The following TENM1 variants were observed in gnomAD, a reference collection of about 807,000 sequenced individuals.
TENM1 encodes teneurin-1.
TENM1 carries 35 observed loss-of-function variants against 174.8 expected under a neutral mutation model. The ratio of observed to expected loss-of-function variants is 0.20; its 90% CI spans 0.15 to 0.27. TENM1 has a LOEUF of 0.27. TENM1 is among the 10% of genes least tolerant of loss of function. The probability of loss-of-function intolerance (pLI) is 1.00; values close to 1 mark genes in which losing one functional copy is unlikely to be tolerated. For missense variants in TENM1, 1,633 were observed against 2,130.1 expected, an observed-to-expected ratio of 0.77 and a Z score of 4.59; for synonymous variants, 781 against 798.7, an observed-to-expected ratio of 0.98 and a Z score of 0.37.
the TENM1 span, among the ~76,000 whole-genome samples, chrX:125,159,810 G>C: frequency 1.8e-5 from 2 of 111,846 alleles, no homozygotes; most frequent in Admixed American, 9.5e-5. Context: ...GGCTACATAG[G>C]AGATTAAAGA....
chrX:124,844,945 C>T (rs1403248284), intron 3 of TENM1, among the ~76,000 whole-genome samples: 1 of 111,237 alleles, frequency 9.0e-6, no homozygotes, highest in East Asian at 2.8e-4. Flanking sequence ...ATAGACCTAT[C>T]ACAGGCCATG....
At chrX:125,158,879 A>G in the TENM1 span, among the ~76,000 whole-genome samples, 2 of 111,557 alleles carry the variant, frequency 1.8e-5, no homozygotes, top group African/African-American at 6.5e-5. Flanking sequence ...ATCCAACATA[A>G]TATTGACAAT....
chrX:125,002,457 C>T, the TENM1 span, among the ~76,000 whole-genome samples: 1 of 111,013 alleles, frequency 9.0e-6, no homozygotes, highest in Non-Finnish European at 1.9e-5. Context: ...TCAATCAGAC[C>T]TGTCCTCTAA....
At chrX:124,770,846 C>A (rs141344959) in intron 3 of TENM1, among the ~76,000 whole-genome samples, 4,596 of 110,812 alleles carry the variant, frequency 0.041, 86 homozygotes, top group Non-Finnish European at 0.065. Flanking sequence ...AATGTGTTGG[C>A]AAATTATTGA....
At chrX:125,172,122 C>A in the TENM1 span, among the ~76,000 whole-genome samples, 1 of 111,495 alleles carries the variant, frequency 9.0e-6, no homozygotes, top group Admixed American at 9.6e-5. Context: ...ATACTGCAAT[C>A]TGACTATAAA....
At chrX:124,894,237 G>T (rs1381346042) in intron 3 of TENM1, 59 bp downstream of exon 6, 1 of 945,092 alleles carries the variant, frequency 1.1e-6, no homozygotes. Flanking sequence ...GTGGGGGTAG[G>T]GTGCCAGGGA....
At chrX:125,017,200 C>G in the TENM1 span, among the ~76,000 whole-genome samples, 415 of 111,999 alleles carry the variant, frequency 3.7e-3, 9 homozygotes, top group East Asian at 0.042. Context: ...CAACAAAAGT[C>G]AAAACTGACA....
chrX:125,057,861 G>A, the TENM1 span, among the ~76,000 whole-genome samples: 1 of 111,868 alleles, frequency 8.9e-6, no homozygotes, highest in Non-Finnish European at 1.9e-5. Flanking sequence ...ACAGGATATT[G>A]CACAGTGGAA....
chrX:124,911,370 G>A (rs956762653), intron 1 of TENM1, among the ~76,000 whole-genome samples: 4 of 111,296 alleles, frequency 3.6e-5, no homozygotes, highest in African/African-American at 1.3e-4. Context: ...CTCTTCCCTC[G>A]AAGGGCTGAC....
chrX:124,627,109 T>A (rs962088419), intron 11 of TENM1, among the ~76,000 whole-genome samples: 1 of 111,643 alleles, frequency 9.0e-6, no homozygotes, highest in East Asian at 2.8e-4. Flanking sequence ...GTAAGGAGGC[T>A]GAGAGGTGGT....
intron 1 of TENM1, among the ~76,000 whole-genome samples, chrX:124,927,459 A>G (rs1217073225): frequency 1.8e-5 from 2 of 111,936 alleles, no homozygotes; most frequent in Non-Finnish European, 3.8e-5. Flanking sequence ...ACTGAGTGAT[A>G]GAAAAATAAA....
At chrX:125,069,787 A>C in the TENM1 span, among the ~76,000 whole-genome samples, 1 of 111,805 alleles carries the variant, frequency 8.9e-6, no homozygotes, top group African/African-American at 3.3e-5. Flanking sequence ...AAAAATTATA[A>C]AAATAATGAT....
chrX:125,051,133 A>T, the TENM1 span, among the ~76,000 whole-genome samples: 2 of 111,568 alleles, frequency 1.8e-5, no homozygotes, highest in Admixed American at 1.9e-4. Context: ...AATCCAACTT[A>T]CAAAAGGGAT....
chrX:125,063,257 G>A, the TENM1 span, among the ~76,000 whole-genome samples: 1 of 111,834 alleles, frequency 8.9e-6, no homozygotes, highest in African/African-American at 3.3e-5. Context: ...AGCATATTAT[G>A]AAGAAACTAC....
At chrX:124,640,244 C>G (rs1330101389) in intron 11 of TENM1, among the ~76,000 whole-genome samples, 1 of 111,628 alleles carries the variant, frequency 9.0e-6, no homozygotes, top group Non-Finnish European at 1.9e-5. Context: ...ATGTATTCCT[C>G]TTTCCTGTAT....
intron 3 of TENM1, among the ~76,000 whole-genome samples, chrX:124,796,763 C>T (rs2055313486): frequency 9.0e-6 from 1 of 111,279 alleles, no homozygotes; most frequent in South Asian, 3.7e-4. Context: ...TTACTTAAGC[C>T]TCAACTATAA....
intron 3 of TENM1, among the ~76,000 whole-genome samples, chrX:124,750,016 T>C (rs576484112): frequency 1.8e-5 from 2 of 112,092 alleles, no homozygotes; most frequent in South Asian, 7.4e-4. Context: ...TGAATTTAGA[T>C]TATGAAACCA....
At chrX:124,594,468 A>G (rs2049841207) in intron 11 of TENM1, among the ~76,000 whole-genome samples, 3 of 111,688 alleles carry the variant, frequency 2.7e-5, no homozygotes. Context: ...TCTGAAGGCT[A>G]AAGTCCAAGA....
In TENM1 at chrX:124,489,847, T is replaced by C. The variant is rs760997375; in HGVS notation, c.3696-2618A>G. Reference sequence around the variant, plus strand: ...GCCAGAAACATTTGACATTGAAGAATGGTCTGCCCTTCCTGCTCCTCTTTC... The same window carrying C: ...GCCAGAAACATTTGACATTGAAGAACGGTCTGCCCTTCCTGCTCCTCTTTC... On this transcript the variant is annotated intron_variant, in intron 20 of 31. Transcript: ENST00000422452. Among the ~76,000 whole-genome samples, 8 of 111,507 alleles carry C rather than the reference T, an allele frequency of 7.2e-5. No individual in the cohort carries two copies. In the South Asian group the frequency reaches 2.7e-3, roughly 37 times the overall value.
Sources: gnomAD v4.1 joint callset for allele counts (sites outside exome capture counted in the v4.1 genomes callset) on GRCh38, gnomAD v4.1.1 for gene constraint, MANE v1.5 for transcripts, NCBI Gene and HGNC (gene_info 2026-07-23, HGNC 2026-07-21) for gene names.